The following ZC3H12B variants were observed in gnomAD, a reference collection of about 807,000 sequenced individuals.
The protein encoded by ZC3H12B is probable ribonuclease ZC3H12B.
A neutral mutation model predicts 43.9 loss-of-function variants in ZC3H12B; 7 were observed. The ratio of observed to expected loss-of-function variants is 0.16; its 90% CI spans 0.09 to 0.30. The LOEUF (loss-of-function observed/expected upper bound fraction) is 0.30, where lower values mean the gene tolerates loss of function less well. Ranked by LOEUF, ZC3H12B falls within the 10% of genes least tolerant of loss-of-function variation. The pLI is 1.00. For missense variants in ZC3H12B, 475 were observed against 670.2 expected (o/e 0.71, Z 3.22); for synonymous variants, 222 against 241.7 (o/e 0.92, Z 0.76).
chrX:65,120,103 T>C, the ZC3H12B span, among the ~76,000 whole-genome samples: 2 of 112,163 alleles, frequency 1.8e-5, no homozygotes, highest in African/African-American at 6.5e-5. Context: ...TTTGTTCTTT[T>C]GACTTAGGAT....
chrX:65,268,423 CACCTTGAT>C, the ZC3H12B span, among the ~76,000 whole-genome samples: 1 of 111,880 alleles, frequency 8.9e-6, no homozygotes, highest in African/African-American at 3.2e-5. Context: ...AGGCCAACAT[CACCTTGAT>C]ACCTAAACCA....
chrX:65,152,424 C>T, the ZC3H12B span, among the ~76,000 whole-genome samples: 14 of 111,481 alleles, frequency 1.3e-4, no homozygotes, highest in Non-Finnish European at 2.6e-4. Context: ...CACAAGCATT[C>T]TTATACACCA....
the ZC3H12B span, among the ~76,000 whole-genome samples, chrX:65,264,177 G>T: frequency 1.8e-5 from 2 of 111,256 alleles, no homozygotes; most frequent in East Asian, 5.6e-4. Context: ...TGGGATGAAA[G>T]TGAGGAATAA....
the ZC3H12B span, among the ~76,000 whole-genome samples, chrX:65,109,147 C>A: frequency 9.0e-6 from 1 of 111,358 alleles, no homozygotes; most frequent in East Asian, 2.8e-4. Flanking sequence ...TATTAGCCAC[C>A]AGATTATTGT....
the ZC3H12B span, among the ~76,000 whole-genome samples, chrX:65,082,615 T>A: frequency 7.2e-5 from 8 of 110,976 alleles, no homozygotes; most frequent in Non-Finnish European, 3.8e-5. Context: ...ATCGAAGCTG[T>A]AATAACAAGT....
At chrX:65,354,338 G>A in the ZC3H12B span, among the ~76,000 whole-genome samples, 773 of 112,017 alleles carry the variant, frequency 6.9e-3, 10 homozygotes, top group African/African-American at 0.023. Context: ...TGGACCTCCA[G>A]CAAACTCCAG....
chrX:65,315,682 G>A, the ZC3H12B span, among the ~76,000 whole-genome samples: 15,943 of 111,364 alleles, frequency 0.14, 2,739 homozygotes, highest in African/African-American at 0.49. Context: ...GGAGAGCATC[G>A]TCAAAGATTG....
the ZC3H12B span, among the ~76,000 whole-genome samples, chrX:65,115,471 C>G: frequency 9.0e-6 from 1 of 111,174 alleles, no homozygotes; most frequent in African/African-American, 3.3e-5. Flanking sequence ...GGCATTTGGA[C>G]TGGTTCCATA....
chrX:65,211,864 T>G, the ZC3H12B span, among the ~76,000 whole-genome samples: 1 of 78,093 alleles, frequency 1.3e-5, no homozygotes, highest in African/African-American at 5.3e-5. Flanking sequence ...ATGTATACTA[T>G]ATAATATATA....
the ZC3H12B span, among the ~76,000 whole-genome samples, chrX:65,358,900 G>A: frequency 8.9e-6 from 1 of 111,960 alleles, no homozygotes; most frequent in Admixed American, 9.5e-5. Flanking sequence ...ACCTAGACAG[G>A]AGAAGTCATT....
the ZC3H12B span, among the ~76,000 whole-genome samples, chrX:65,329,718 AT>A: frequency 8.1e-5 from 9 of 111,121 alleles, no homozygotes; most frequent in East Asian, 2.8e-4. Context: ...TCTTGAATTA[AT>A]TTTTTTATAA....
chrX:65,116,537 T>C, the ZC3H12B span, among the ~76,000 whole-genome samples: 1 of 110,955 alleles, frequency 9.0e-6, no homozygotes, highest in African/African-American at 3.3e-5. Context: ...GCACGCTCTT[T>C]TCTGGTTCCA....
At chrX:65,475,110 A>C (rs769444111) in intron 3 of ZC3H12B, among the ~76,000 whole-genome samples, 156 of 111,969 alleles carry the variant, frequency 1.4e-3, no homozygotes, top group Middle Eastern at 4.6e-3. Context: ...CATCCCCCCC[A>C]CACACACACT....
chrX:65,449,695 T>C (rs2067442596), intron 3 of ZC3H12B, among the ~76,000 whole-genome samples: 1 of 111,444 alleles, frequency 9.0e-6, no homozygotes, highest in Admixed American at 9.6e-5. Flanking sequence ...AAAAAATGTC[T>C]TTTGCAGCAT....
the ZC3H12B span, among the ~76,000 whole-genome samples, chrX:65,102,829 G>T: frequency 9.0e-6 from 1 of 111,474 alleles, no homozygotes; most frequent in Non-Finnish European, 1.9e-5. Context: ...TCACATGTCG[G>T]CAGGTTCCGT....
At chrX:65,367,304 G>A (rs781343612) in intron 1 of ZC3H12B, among the ~76,000 whole-genome samples, 2 of 111,466 alleles carry the variant, frequency 1.8e-5, no homozygotes, top group African/African-American at 6.5e-5. Context: ...TGCTAGTATG[G>A]CCAGCTCAAA....
chrX:65,357,439 G>C, the ZC3H12B span: 1 of 157,182 alleles, frequency 6.4e-6, no homozygotes, highest in South Asian at 1.4e-4. Context: ...CACTGCCCAT[G>C]AGAGTCCAGC....
At chrX:65,443,756 C>A (rs1209878110) in intron 3 of ZC3H12B, among the ~76,000 whole-genome samples, 2 of 112,324 alleles carry the variant, frequency 1.8e-5, no homozygotes, top group African/African-American at 3.2e-5. Context: ...GGTGTTATGG[C>A]CATTATGGAC....
intron 2 of ZC3H12B, among the ~76,000 whole-genome samples, chrX:65,391,627 T>C (rs1001325178): frequency 9.0e-6 from 1 of 111,667 alleles, no homozygotes; most frequent in African/African-American, 3.3e-5. Context: ...GGTATGGGGC[T>C]AGTAGAGAAC....
Sources: allele counts gnomAD v4.1 joint callset (sites outside exome capture counted in the v4.1 genomes callset), GRCh38; gene constraint gnomAD v4.1.1; transcripts MANE v1.5; gene names NCBI Gene and HGNC (gene_info 2026-07-23, HGNC 2026-07-21).